The following TRHDE variants were observed in gnomAD, a reference collection of about 807,000 sequenced individuals.
TRHDE encodes thyrotropin releasing hormone degrading enzyme.
In TRHDE, 72 loss-of-function variants were observed where a neutral mutation model predicts 125.7. The ratio of observed to expected loss-of-function variants is 0.57; its 90% confidence interval spans 0.47 to 0.70. TRHDE has a LOEUF of 0.70. Ranked by LOEUF, TRHDE falls within the 30% of genes least tolerant of loss-of-function variation. TRHDE has a pLI of 0.00. For synonymous variants in TRHDE, 509 were observed against 509.1 expected, an observed-to-expected ratio of 1.00 and a Z score of 0.00; for missense variants, 1,110 against 1,327.1, an observed-to-expected ratio of 0.84 and a Z score of 2.54.
At chr12:72,572,026 T>C (rs1341208091) in intron 10 of TRHDE, among the ~76,000 whole-genome samples, 2 of 90,492 alleles carry the variant, frequency 2.2e-5, no homozygotes, top group East Asian at 6.8e-4. Flanking sequence ...CACGATTTAT[T>C]GCTATGGTAG....
At chr12:72,507,880 T>C (rs1228424353) in intron 6 of TRHDE, among the ~76,000 whole-genome samples, 1 of 152,232 alleles carries the variant, frequency 6.6e-6, no homozygotes, top group Non-Finnish European at 1.5e-5. Flanking sequence ...CTGTGCAGTC[T>C]TGGGACATGG....
At position 72,617,042 on chromosome 12, in the gene TRHDE, G is replaced by A. The variant is rs1872847334; in HGVS notation, c.2322-1849G>A. Among the ~76,000 whole-genome samples, 3 of 152,016 alleles carry A rather than the reference G, an allele frequency of 2.0e-5. No individual in the cohort carries two copies. The South Asian group carries it at 6.2e-4, about 32-fold the overall frequency. ...AAATCAAAATTTCACTTATTATTGG[G>A]ATGTTGTACTAGCTAAAATACAGTG... On this transcript the variant is annotated intron_variant, in intron 12 of 18. Transcript: ENST00000261180.
Position 72,157,314 on chromosome 12 carries a change from T to C in TRHDE, n.279+51562T>C, listed in dbSNP as rs565044786. On this transcript the variant is annotated intron_variant and non_coding_transcript_variant, in intron 2 of 4. Coordinates refer to the TRHDE transcript ENST00000548156. The stretch of plus-strand genomic sequence containing the variant: ...AGGGTTTTAGTTTTGCTTCTAAATA[T>C]AATGGGAAGAGATTAGAAGCTTTTG... Among the ~76,000 whole-genome samples the C allele has an allele frequency of 2.8e-3, 421 of 152,274 alleles. 1 individual carries two copies. Among genetic ancestry groups the C allele is most frequent in the African/African-American group, 9.7e-3 (403 of 41,552 alleles).
intron 2 of TRHDE, among the ~76,000 whole-genome samples, chr12:72,233,827 AC>A (rs1268245703): frequency 2.0e-5 from 3 of 152,160 alleles, no homozygotes; most frequent in Non-Finnish European, 2.9e-5. Flanking sequence ...ACAAGATTCC[AC>A]TTTTTTCCCA....
At chr12:72,444,203 C>A (rs923080462) in intron 3 of TRHDE, among the ~76,000 whole-genome samples, 2 of 151,798 alleles carry the variant, frequency 1.3e-5, no homozygotes, top group African/African-American at 4.8e-5. Context: ...TTTTAAAAAA[C>A]CCCAAAGATG....
intron 2 of TRHDE, among the ~76,000 whole-genome samples, chr12:72,266,566 G>A (rs552873464): frequency 2.9e-4 from 44 of 150,864 alleles, no homozygotes; most frequent in African/African-American, 1.0e-3. Flanking sequence ...TAACAAACAC[G>A]TAGCACTTAC....
chr12:72,348,905 A>G (rs1010741567), intron 2 of TRHDE, among the ~76,000 whole-genome samples: 1 of 151,858 alleles, frequency 6.6e-6, no homozygotes, highest in Non-Finnish European at 1.5e-5. Flanking sequence ...TTTTTTTGCT[A>G]ATAGATTTTT....
At chr12:72,550,148 TA>T (rs1302082794) in intron 7 of TRHDE, among the ~76,000 whole-genome samples, 1 of 151,938 alleles carries the variant, frequency 6.6e-6, no homozygotes, top group African/African-American at 2.4e-5. Context: ...ATGAAATTAT[TA>T]GACATATTTA....
chr12:72,225,383 A>C (rs1002591415), intron 2 of TRHDE, among the ~76,000 whole-genome samples: 2 of 152,188 alleles, frequency 1.3e-5, no homozygotes, highest in Non-Finnish European at 2.9e-5. Context: ...TTGTTTATTA[A>C]AAGCCTAGTG....
At chr12:72,577,610 T>TA (rs1345237204) in intron 12 of TRHDE, among the ~76,000 whole-genome samples, 1 of 152,216 alleles carries the variant, frequency 6.6e-6, no homozygotes, top group African/African-American at 2.4e-5. Context: ...TAAGTAGTGA[T>TA]AGCCTAATGA....
intron 1 of TRHDE, among the ~76,000 whole-genome samples, chr12:72,104,879 A>G (rs146299729): frequency 1.3e-5 from 2 of 152,308 alleles, no homozygotes; most frequent in East Asian, 1.9e-4. Flanking sequence ...TAGAGCATCC[A>G]TATTTCCACT....
intron 3 of TRHDE, among the ~76,000 whole-genome samples, chr12:72,451,440 C>G (rs1317077208): frequency 6.6e-6 from 1 of 152,170 alleles, no homozygotes; most frequent in Non-Finnish European, 1.5e-5. Context: ...ACCAAAAATG[C>G]AAGGATTTAT....
At chr12:72,279,667 G>A (rs1363589895) in intron 1 of TRHDE, among the ~76,000 whole-genome samples, 1 of 152,212 alleles carries the variant, frequency 6.6e-6, no homozygotes, top group South Asian at 2.1e-4. Context: ...GGTGGTGGCA[G>A]TGTGAGGGTA....
At chr12:72,562,327 T>C (rs1439869460) in intron 8 of TRHDE, 97 bp downstream of exon 8, 2 of 543,658 alleles carry the variant, frequency 3.7e-6, no homozygotes, top group Non-Finnish European at 6.5e-6. Context: ...TGATAGTTTG[T>C]TTTTACTTTT....
At chr12:72,455,859 G>A (rs1218758149) in intron 3 of TRHDE, among the ~76,000 whole-genome samples, 1 of 151,938 alleles carries the variant, frequency 6.6e-6, no homozygotes, top group African/African-American at 2.4e-5. Context: ...TAATCTTTCT[G>A]TCTGCCTGGA....
chr12:72,116,491 T>G (rs960453469), intron 2 of TRHDE, among the ~76,000 whole-genome samples: 1 of 152,160 alleles, frequency 6.6e-6, no homozygotes, highest in African/African-American at 2.4e-5. Context: ...TGTAAAAGCA[T>G]TCCTATTTCT....
chr12:72,646,337 G>A (rs531902974), intron 15 of TRHDE, among the ~76,000 whole-genome samples: 1 of 151,400 alleles, frequency 6.6e-6, no homozygotes, highest in African/African-American at 2.4e-5. Flanking sequence ...TAAAGCCCTA[G>A]AAGTTACATA....
intron 5 of TRHDE, among the ~76,000 whole-genome samples, chr12:72,482,638 C>T (rs1736180994): frequency 2.0e-5 from 3 of 151,910 alleles, no homozygotes; most frequent in East Asian, 1.9e-4. Context: ...TAGCAGATTT[C>T]TGTTCTTTTG....
At chr12:72,308,242 A>C (rs1324097060) in intron 2 of TRHDE, among the ~76,000 whole-genome samples, 1 of 151,962 alleles carries the variant, frequency 6.6e-6, no homozygotes, top group Non-Finnish European at 1.5e-5. Context: ...CTTCGTGTGC[A>C]TGTGTGTGAA....
Sources: allele counts gnomAD v4.1 joint callset (sites outside exome capture counted in the v4.1 genomes callset), GRCh38; gene constraint gnomAD v4.1.1; transcripts MANE v1.5; gene names NCBI Gene and HGNC (gene_info 2026-07-23, HGNC 2026-07-21).